The following ME3 variants were observed in gnomAD, a reference collection of about 807,000 sequenced individuals.
ME3 encodes malic enzyme 3.
A neutral mutation model predicts 68.9 loss-of-function variants in ME3; 48 were observed. The observed-to-expected ratio is 0.70, with a 90% CI of 0.55 to 0.89. The LOEUF (loss-of-function observed/expected upper bound fraction) is 0.89, where lower values mean the gene tolerates loss of function less well. ME3 is among the 40% of genes least tolerant of loss of function. ME3 has a pLI of 0.00. For synonymous variants in ME3, 320 were observed against 318.8 expected, an observed-to-expected ratio of 1.00 and a Z score of -0.04; for missense variants, 675 against 797.4, an observed-to-expected ratio of 0.85 and a Z score of 1.85.
At chr11:86,664,911 C>G (rs1238610767) in intron 2 of ME3, among the ~76,000 whole-genome samples, 1 of 152,206 alleles carries the variant, frequency 6.6e-6, no homozygotes, top group Non-Finnish European at 1.5e-5. Context: ...GCTCCTCCAG[C>G]ACTTCATTCT....
intron 5 of ME3, among the ~76,000 whole-genome samples, chr11:86,505,529 A>T (rs1953012279): frequency 6.6e-6 from 1 of 151,204 alleles, no homozygotes; most frequent in African/African-American, 2.4e-5. Context: ...TTAGGGGTCG[A>T]ATCATTTGAC....
At chr11:86,567,594 C>A (rs769369682) in intron 2 of ME3, among the ~76,000 whole-genome samples, 1 of 152,222 alleles carries the variant, frequency 6.6e-6, no homozygotes, top group Non-Finnish European at 1.5e-5. Flanking sequence ...CAGTCCACTT[C>A]TCTCTACAAG....
chr11:86,460,430 A>G (rs1950174047), intron 8 of ME3, among the ~76,000 whole-genome samples: 2 of 152,216 alleles, frequency 1.3e-5, no homozygotes, highest in East Asian at 3.9e-4. Flanking sequence ...GCTCTGCACC[A>G]GGCATGGCCC....
At chr11:86,568,305 C>T (rs955931121) in intron 2 of ME3, among the ~76,000 whole-genome samples, 5 of 152,182 alleles carry the variant, frequency 3.3e-5, no homozygotes, top group Non-Finnish European at 7.3e-5. Context: ...TGGATTCTCC[C>T]AGGGAACCTT....
chr11:86,446,947 T>C, intron 12 of ME3, 118 bp downstream of exon 12: 3 of 1,353,138 alleles, frequency 2.2e-6, no homozygotes, highest in Non-Finnish European at 3.0e-6. Context: ...TTACTTCATC[T>C]TTCTGAAATT....
chr11:86,635,056 G>A (rs1944248958), intron 2 of ME3, among the ~76,000 whole-genome samples: 1 of 152,184 alleles, frequency 6.6e-6, no homozygotes, highest in South Asian at 2.1e-4. Flanking sequence ...TGTAATCCCA[G>A]AACTTTGGGA....
rs1304893650 is a variant in ME3, at chr11:86,594,489, G to C, written c.184-34666C>G. Among the ~76,000 whole-genome samples, 3 of 145,134 alleles carry C rather than the reference G, an allele frequency of 2.1e-5. No homozygotes were observed. In the Admixed American group the frequency reaches 2.2e-4, roughly 11 times the overall value. ...GTGAAGCACTTGAGCCCAGGTGTTT[G>C]AGACCAACCTGGGCAACATAAAAAC... On this transcript the variant is annotated intron_variant, in intron 2 of 14. Transcript: ENST00000543262.
At chr11:86,558,728 A>G (rs1957053486) in intron 3 of ME3, among the ~76,000 whole-genome samples, 1 of 152,170 alleles carries the variant, frequency 6.6e-6, no homozygotes, top group Non-Finnish European at 1.5e-5. Flanking sequence ...ACAAGGTGAC[A>G]TATTTACTTG....
chr11:86,634,437 C>A (rs1944207351), intron 2 of ME3, among the ~76,000 whole-genome samples: 1 of 152,150 alleles, frequency 6.6e-6, no homozygotes, highest in South Asian at 2.1e-4. Context: ...TCTAGACTTC[C>A]CAGTTTTCTT....
intron 4 of ME3, among the ~76,000 whole-genome samples, chr11:86,531,547 C>T (rs1230674404): frequency 6.6e-6 from 1 of 152,198 alleles, no homozygotes; most frequent in Non-Finnish European, 1.5e-5. Context: ...GACACATGCA[C>T]ACGCATGTTT....
At chr11:86,534,781 G>C (rs1452797725) in intron 4 of ME3, among the ~76,000 whole-genome samples, 1 of 152,158 alleles carries the variant, frequency 6.6e-6, no homozygotes, top group Non-Finnish European at 1.5e-5. Flanking sequence ...GATACAAAGT[G>C]AGAATAGTTG....
chr11:86,450,514 G>GTT, intron 8 of ME3, 116 bp from the exon 9 acceptor site: 1 of 728,052 alleles, frequency 1.4e-6, no homozygotes, highest in South Asian at 1.7e-5. Flanking sequence ...ACTTTTCTTA[G>GTT]CCCTTATGCC....
At chr11:86,595,304 TATAGAGAGAG>T (rs1179255397) in intron 2 of ME3, among the ~76,000 whole-genome samples, 2 of 94,602 alleles carry the variant, frequency 2.1e-5, no homozygotes, top group Non-Finnish European at 4.3e-5. Context: ...TATATATATA[TATAGAGAGAG>T]AGAGAGAGAG....
intron 12 of ME3, chr11:86,446,819 G>T: frequency 1.6e-6 from 1 of 606,372 alleles, no homozygotes; most frequent in Non-Finnish European, 2.8e-6. Context: ...TCAAAGCTCT[G>T]TGTTATTTAG....
chr11:86,442,730 C>T, intron 14 of ME3, 91 bp downstream of exon 14: 3 of 1,069,120 alleles, frequency 2.8e-6, no homozygotes, highest in Non-Finnish European at 4.2e-6. Flanking sequence ...AGTGTCTCCA[C>T]AGTTTCCATC....
At chr11:86,441,344 A>G (rs1593962520) in exon 15 of ME3, 1 of 1,613,518 alleles carries the variant, frequency 6.2e-7, no homozygotes, top group Non-Finnish European at 8.5e-7. Context: ...AAGGAGTCAT[A>G]GTCTGGAGTG....
intron 7 of ME3, among the ~76,000 whole-genome samples, chr11:86,465,698 C>T (rs2138738539): frequency 6.6e-6 from 1 of 152,354 alleles, no homozygotes; most frequent in South Asian, 2.1e-4. Context: ...CCACTAGAGA[C>T]TCCTCTGGCA....
intron 2 of ME3, among the ~76,000 whole-genome samples, chr11:86,652,983 C>T (rs1945569889): frequency 6.7e-6 from 1 of 149,916 alleles, no homozygotes; most frequent in African/African-American, 2.4e-5. Context: ...CAACAAAAAT[C>T]AAAAGAGACA....
At chr11:86,610,309 T>C (rs1453853293) in intron 2 of ME3, among the ~76,000 whole-genome samples, 1 of 152,108 alleles carries the variant, frequency 6.6e-6, no homozygotes, top group African/African-American at 2.4e-5. Flanking sequence ...GTTATATTTT[T>C]TCCTGTGTCT....
Sources: gnomAD v4.1 joint callset for allele counts (sites outside exome capture counted in the v4.1 genomes callset) on GRCh38, gnomAD v4.1.1 for gene constraint, MANE v1.5 for transcripts, NCBI Gene and HGNC (gene_info 2026-07-23, HGNC 2026-07-21) for gene names.